Variants in ARHGAP15 observed in about 807,000 individuals in gnomAD.
The protein encoded by ARHGAP15 is rho GTPase-activating protein 15.
ARHGAP15 carries 51 observed loss-of-function variants against 63.7 expected under a neutral mutation model. That is an observed-to-expected ratio of 0.80 (90% CI 0.64 to 1.01). ARHGAP15 has a LOEUF of 1.01. ARHGAP15 is among the 50% of genes least tolerant of loss of function. The probability of loss-of-function intolerance (pLI) is 0.00; values close to 1 mark genes in which losing one functional copy is unlikely to be tolerated. For missense variants in ARHGAP15, 560 were observed against 564.6 expected (o/e 0.99, Z 0.08); for synonymous variants, 191 against 193.8 (o/e 0.99, Z 0.12).
At chr2:143,337,151 T>C (rs552508034) in intron 6 of ARHGAP15, among the ~76,000 whole-genome samples, 79 of 152,088 alleles carry the variant, frequency 5.2e-4, no homozygotes, top group African/African-American at 1.9e-3. Flanking sequence ...GGGTTGAAAG[T>C]GAACTCCAGA....
chr2:143,191,273 T>G (rs1381352874), intron 2 of ARHGAP15, among the ~76,000 whole-genome samples: 2 of 152,104 alleles, frequency 1.3e-5, no homozygotes, highest in Non-Finnish European at 2.9e-5. Flanking sequence ...TCAGTAAGAG[T>G]AGATGTCAAA....
At chr2:143,309,616 T>C (rs961889910) in intron 6 of ARHGAP15, among the ~76,000 whole-genome samples, 1 of 152,064 alleles carries the variant, frequency 6.6e-6, no homozygotes, top group African/African-American at 2.4e-5. Flanking sequence ...ATACTTGATA[T>C]TTATCAATTA....
At chr2:143,522,411 T>C (rs958919626) in intron 10 of ARHGAP15, among the ~76,000 whole-genome samples, 1 of 152,192 alleles carries the variant, frequency 6.6e-6, no homozygotes, top group East Asian at 1.9e-4. Context: ...TCGTAGAGCA[T>C]GTATATGAGA....
At chr2:143,492,170 C>T (rs951938999) in intron 9 of ARHGAP15, among the ~76,000 whole-genome samples, 1 of 152,178 alleles carries the variant, frequency 6.6e-6, no homozygotes, top group Non-Finnish European at 1.5e-5. Context: ...GTGTGAGCCA[C>T]CGCGCCTGGC....
chr2:143,632,207 T>G (rs1423884810), intron 12 of ARHGAP15, among the ~76,000 whole-genome samples: 1 of 152,058 alleles, frequency 6.6e-6, no homozygotes, highest in Non-Finnish European at 1.5e-5. Context: ...GTTCCATACA[T>G]TTTCCATTAT....
At chr2:143,223,704 C>T (rs1188723692) in intron 4 of ARHGAP15, among the ~76,000 whole-genome samples, 1 of 152,126 alleles carries the variant, frequency 6.6e-6, no homozygotes, top group Non-Finnish European at 1.5e-5. Flanking sequence ...ACAAGTGTTC[C>T]TTATCTCCCC....
At position 143,544,053 on chromosome 2, in the gene ARHGAP15, A is replaced by G. The variant is rs142361661; in HGVS notation, c.926-12355A>G. Among the ~76,000 whole-genome samples, 9 of 152,302 alleles carry G rather than the reference A, an allele frequency of 5.9e-5. No homozygotes were observed. In the East Asian group the frequency reaches 1.7e-3, roughly 29 times the overall value. On this transcript the variant is annotated intron_variant, in intron 10 of 13. Transcript: ENST00000295095. ...CTTTTTGTACGAGTCCCAAAATCAC[A>G]AAAGCCAATGGTATAAATTGTCCAG...
intron 8 of ARHGAP15, among the ~76,000 whole-genome samples, chr2:143,438,149 G>C (rs917154318): frequency 6.6e-6 from 1 of 151,976 alleles, no homozygotes; most frequent in South Asian, 2.1e-4. Context: ...TTTTTTTCCT[G>C]CTATTTCCCT....
rs1466778397 is a variant in ARHGAP15 at position 143,140,837 on chromosome 2, C to T, written c.-15+11371C>T. 2.6e-5 allele frequency among the ~76,000 whole-genome samples: 4 copies of T among 152,138 alleles called. No individual in the cohort carries two copies. In the South Asian group the frequency reaches 6.2e-4, roughly 24 times the overall value. ...ACAAGGTGCAGCAGAGGGGAACCCA[C>T]GTGCTGACAAAATGCTGGGAAGACA... is the stretch of plus-strand genomic sequence containing the variant. On this transcript the variant is annotated intron_variant, in intron 1 of 13. Transcript: ENST00000295095.
intron 6 of ARHGAP15, among the ~76,000 whole-genome samples, chr2:143,328,142 G>T (rs1684341979): frequency 6.6e-6 from 1 of 152,172 alleles, no homozygotes; most frequent in Non-Finnish European, 1.5e-5. Flanking sequence ...TACACTATTG[G>T]TGGGAGTGTA....
rs189632815 is a variant in ARHGAP15, at chr2:143,373,231, T to C, written c.475-62370T>C. 4.6e-5 allele frequency among the ~76,000 whole-genome samples: 7 copies of C among 152,278 alleles called. No individual in the cohort carries two copies. In the East Asian group the frequency reaches 1.2e-3, roughly 25 times the overall value. On this transcript the variant is annotated intron_variant, in intron 6 of 13. Transcript: ENST00000295095. ...AAAATATCAAGGACTAGAGAGGTAATGAAACTTGCTCAAGATTGCACAAGT... is the reference window on the plus strand; with the variant it reads ...AAAATATCAAGGACTAGAGAGGTAACGAAACTTGCTCAAGATTGCACAAGT...
intron 8 of ARHGAP15, among the ~76,000 whole-genome samples, chr2:143,473,881 A>G (rs999610863): frequency 9.9e-5 from 15 of 152,104 alleles, no homozygotes; most frequent in Non-Finnish European, 1.6e-4. Context: ...AAGCTTTTGG[A>G]GGCCTTTAAA....
chr2:143,425,619 T>C (rs1689109785), intron 6 of ARHGAP15, among the ~76,000 whole-genome samples: 1 of 152,140 alleles, frequency 6.6e-6, no homozygotes, highest in South Asian at 2.1e-4. Context: ...CAGTTAGGAA[T>C]GTTCTCCAAA....
intron 2 of ARHGAP15, among the ~76,000 whole-genome samples, chr2:143,191,270 G>A (rs540637808): frequency 6.6e-6 from 1 of 152,266 alleles, no homozygotes; most frequent in South Asian, 2.1e-4. Context: ...ATTTCAGTAA[G>A]AGTAGATGTC....
chr2:143,350,472 T>C (rs1685506646), intron 6 of ARHGAP15, among the ~76,000 whole-genome samples: 1 of 152,094 alleles, frequency 6.6e-6, no homozygotes, highest in Non-Finnish European at 1.5e-5. Context: ...GCCTAGAGGA[T>C]GCTAATCCAT....
In ARHGAP15 at chr2:143,686,383, C is replaced by CAAA. The variant is rs35554349; in HGVS notation, c.1139-17005_1139-17003dup. On this transcript the variant is annotated intron_variant, in intron 12 of 13. Coordinates refer to ENST00000295095, the MANE Select transcript of ARHGAP15 (RefSeq NM_018460.4). ...TGGGTGACAGAGCGAGACTCTGTCT[C>CAAA]AAAAAAAAAAAAAAAAAAAAAAAAA... Among the ~76,000 whole-genome samples, 35 of 55,070 alleles carry CAAA rather than the reference C, an allele frequency of 6.4e-4. 1 individual carries two copies. Among genetic ancestry groups the CAAA allele is most frequent in the African/African-American group, 1.9e-3 (23 of 12,066 alleles). The allele number at this position is 55,070 out of a possible 152,430, so 36.1% of individuals were successfully genotyped here.
Position 143,262,535 on chromosome 2 carries a change from A to ATTTTTTTTTTTT in ARHGAP15, c.474+11948_474+11959dup, listed in dbSNP as rs67267617. On this transcript the variant is annotated intron_variant, in intron 6 of 13. Coordinates refer to ENST00000295095, the MANE Select transcript of ARHGAP15 (RefSeq NM_018460.4). ...TGTATATGCGGGGTCTGAACCTTTG[A>ATTTTTTTTTTTT]TTTTTTTTTTTTTTTTTTTTTTTTA... Among the ~76,000 whole-genome samples the ATTTTTTTTTTTT allele has an allele frequency of 5.9e-3, 533 of 90,856 alleles. 29 individuals carry two copies. Among genetic ancestry groups the ATTTTTTTTTTTT allele is most frequent in the African/African-American group, 0.022 (464 of 21,278 alleles). 59.6% of individuals were successfully genotyped at this position (90,856 alleles called of 152,430 possible). A position where few individuals can be genotyped will look rare whatever the true frequency, so the allele number is the denominator to read the frequency against.
chr2:143,176,942 C>T lies in ARHGAP15; in HGVS notation c.165+21287C>T, dbSNP rs139295034. The stretch of plus-strand genomic sequence containing the variant: ...TGGGCCTTTCCATGGCCTCCTTCAG[C>T]TTCCTTATGGCATAGGGACTACGTT... On this transcript the variant is annotated intron_variant, in intron 2 of 13. Coordinates refer to ENST00000295095, the MANE Select transcript of ARHGAP15 (RefSeq NM_018460.4). Among the ~76,000 whole-genome samples, 266 of 152,310 alleles carry T rather than the reference C, an allele frequency of 1.7e-3. 1 individual carries two copies. The highest frequency in any genetic ancestry group is 6.2e-3 in the African/African-American group (256 of 41,576).
chr2:143,500,506 A>G (rs893731692), intron 9 of ARHGAP15, among the ~76,000 whole-genome samples: 1 of 152,180 alleles, frequency 6.6e-6, no homozygotes. Context: ...TGACAGTAAC[A>G]TTAGTGAATA....
Sources: allele counts gnomAD v4.1 joint callset (sites outside exome capture counted in the v4.1 genomes callset), GRCh38; gene constraint gnomAD v4.1.1; transcripts MANE v1.5; gene names NCBI Gene and HGNC (gene_info 2026-07-23, HGNC 2026-07-21).